ASH1L: variants seen among roughly 807,000 people sequenced by gnomAD.
ASH1L encodes the protein ASH1 like histone lysine methyltransferase, also known as histone-lysine N-methyltransferase ASH1L.
Under a neutral mutation model 269.0 loss-of-function variants are expected in ASH1L, and 23 were observed. That is an observed-to-expected ratio of 0.09 (90% confidence interval 0.06 to 0.12). The LOEUF (loss-of-function observed/expected upper bound fraction) is 0.12, where lower values mean the gene tolerates loss of function less well. Ranked by LOEUF, ASH1L falls within the 10% of genes least tolerant of loss-of-function variation. ASH1L has a pLI of 1.00. For missense variants in ASH1L, 2,912 were observed against 3,567.8 expected (o/e 0.82, Z 4.68); for synonymous variants, 1,187 against 1,253.5 (o/e 0.95, Z 1.12).
chr1:155,466,044 G>A (rs1440188734), intron 3 of ASH1L, among the ~76,000 whole-genome samples: 2 of 152,120 alleles, frequency 1.3e-5, no homozygotes, highest in African/African-American at 2.4e-5. Flanking sequence ...AGCCTGTTCT[G>A]GCGATTTTTA....
chr1:155,358,990 C>A (rs1654694576), intron 13 of ASH1L, among the ~76,000 whole-genome samples: 1 of 152,016 alleles, frequency 6.6e-6, no homozygotes, highest in African/African-American at 2.4e-5. Flanking sequence ...CACAGTGGTA[C>A]ACGCCTGCGG....
At chr1:155,359,440 C>T (rs1204839886) in intron 13 of ASH1L, among the ~76,000 whole-genome samples, 1 of 152,054 alleles carries the variant, frequency 6.6e-6, no homozygotes, top group Non-Finnish European at 1.5e-5. Flanking sequence ...CCATGCCCAG[C>T]TGATTTTTGT....
Position 155,358,404 on chromosome 1 carries a change from A to G in ASH1L, c.6796-655T>C, listed in dbSNP as rs1385898089. 2.0e-5 allele frequency among the ~76,000 whole-genome samples: 3 copies of G among 152,086 alleles called. No individual in the cohort carries two copies. The East Asian group carries it at 5.8e-4, about 29-fold the overall frequency. ...ACTTCTTTAAAAAAAAATTTTAAAA[A>G]GGCCAGGCATGGTGGCTCATGCCTG... On this transcript the variant is annotated intron_variant, in intron 13 of 27. Coordinates refer to ENST00000392403, the MANE Select transcript of ASH1L (RefSeq NM_018489.3).
intron 20 of ASH1L, 78 bp downstream of exon 20, chr1:155,347,578 A>G: frequency 6.4e-7 from 1 of 1,574,718 alleles, no homozygotes; most frequent in Non-Finnish European, 8.6e-7. Flanking sequence ...CCAATCCAAA[A>G]GAGGCATGGG....
chr1:155,548,476 T>C (rs1558215104), intron 1 of ASH1L, among the ~76,000 whole-genome samples: 1 of 152,158 alleles, frequency 6.6e-6, no homozygotes, highest in Non-Finnish European at 1.5e-5. Context: ...TGAACCTAGA[T>C]GGCACCATTG....
intron 1 of ASH1L, among the ~76,000 whole-genome samples, chr1:155,535,250 G>C (rs61812099): frequency 7.3e-6 from 1 of 136,230 alleles, no homozygotes; most frequent in Admixed American, 7.4e-5. Context: ...TTTTTTTTAA[G>C]ACTGGGTTTT....
intron 2 of ASH1L, among the ~76,000 whole-genome samples, chr1:155,510,423 A>C (rs1668095416): frequency 6.6e-6 from 1 of 151,108 alleles, no homozygotes; most frequent in South Asian, 2.1e-4. Context: ...AAAAAAAAAA[A>C]AAAAAAAAAA....
intron 6 of ASH1L, among the ~76,000 whole-genome samples, chr1:155,414,315 T>A (rs1660035164): frequency 6.6e-6 from 1 of 151,786 alleles, no homozygotes; most frequent in South Asian, 2.1e-4. Flanking sequence ...TTAAAAAAAT[T>A]TCTTTTTTTT....
At position 155,533,035 on chromosome 1, in the gene ASH1L, T is replaced by C. The variant is rs190429036; in HGVS notation, c.-99-11417A>G. Reference sequence around the variant, plus strand: ...TCTGGTCTGAGATACAGAACTACTCTGGAAGACAACTATGTTTGGAAATCA... The same window carrying C: ...TCTGGTCTGAGATACAGAACTACTCCGGAAGACAACTATGTTTGGAAATCA... On this transcript the variant is annotated intron_variant, in intron 1 of 27. Transcript: ENST00000392403. Among the ~76,000 whole-genome samples, 99 of 151,590 alleles carry C rather than the reference T, an allele frequency of 6.5e-4. 1 individual carries two copies. The highest frequency in any genetic ancestry group is 6.8e-3 in the Middle Eastern group (2 of 294).
At chr1:155,350,334 C>A (rs1355289954) in intron 17 of ASH1L, among the ~76,000 whole-genome samples, 1 of 152,108 alleles carries the variant, frequency 6.6e-6, no homozygotes, top group East Asian at 1.9e-4. Flanking sequence ...AAATCCAAGT[C>A]TTTTTAAGGC....
At chr1:155,380,154 T>C in intron 7 of ASH1L, 38 bp from the exon 8 acceptor site, 5 of 1,494,790 alleles carry the variant, frequency 3.3e-6, no homozygotes, top group Non-Finnish European at 4.7e-6. Context: ...ATACCTTTTC[T>C]AATATTTGCT....
intron 1 of ASH1L, among the ~76,000 whole-genome samples, chr1:155,556,506 G>A (rs1014683375): frequency 4.6e-5 from 7 of 151,792 alleles, no homozygotes; most frequent in Non-Finnish European, 8.8e-5. Flanking sequence ...GTGCAGTGGC[G>A]TGATCTCAGC....
intron 5 of ASH1L, among the ~76,000 whole-genome samples, chr1:155,429,984 T>G (rs1661481116): frequency 6.6e-6 from 1 of 151,902 alleles, no homozygotes; most frequent in African/African-American, 2.4e-5. Context: ...TTTTAAGTTT[T>G]TTTTTTTTTG....
chr1:155,365,670 G>C (rs1391585119), intron 12 of ASH1L, among the ~76,000 whole-genome samples: 3 of 152,096 alleles, frequency 2.0e-5, no homozygotes, highest in African/African-American at 4.8e-5. Context: ...GATTGGAATG[G>C]AGTGCTTTCT....
At chr1:155,409,063 C>T (rs761965361) in intron 6 of ASH1L, among the ~76,000 whole-genome samples, 1 of 151,880 alleles carries the variant, frequency 6.6e-6, no homozygotes, top group African/African-American at 2.4e-5. Context: ...CTTGCTCTGT[C>T]GCCCAGGCTG....
chr1:155,467,145 A>T (rs1664754715), intron 3 of ASH1L, among the ~76,000 whole-genome samples: 1 of 152,144 alleles, frequency 6.6e-6, no homozygotes, highest in Non-Finnish European at 1.5e-5. Flanking sequence ...CTGCTCTGCC[A>T]ATTTTAGAAT....
At position 155,481,710 on chromosome 1, in the gene ASH1L, C is replaced by G. The variant is rs2148731467; in HGVS notation, c.1160G>C (p.Cys387Ser). 6.2e-7 allele frequency: 1 copy of G among 1,614,196 alleles called. No homozygotes were observed. The highest frequency in any genetic ancestry group is 2.2e-5 in the East Asian group (1 of 44,886). Reference sequence around the variant, plus strand: ...TGAACTTGCTACAATCTTCTTTGCACAGTCCTTGGCCACTAGGCCAACAGT... The same window carrying G: ...TGAACTTGCTACAATCTTCTTTGCAGAGTCCTTGGCCACTAGGCCAACAGT... The part of the protein sequence containing the change: ...GSTVGLVAKD[C>S]AKKIVASSAM... The change falls in exon 3 of 28, where the codon TGT (cysteine) becomes TCT (serine). Residue 387 changes from cysteine to serine, a missense_variant. Physicochemically the swap from Cys to Ser is moderately radical, Grantham distance 112 (BLOSUM62 -1). Coordinates refer to ENST00000392403, the MANE Select transcript of ASH1L (RefSeq NM_018489.3).
In ASH1L at chr1:155,516,911, G is replaced by A. The variant is rs1668536935; in HGVS notation, c.420+4189C>T. 5.3e-5 allele frequency among the ~76,000 whole-genome samples: 8 copies of A among 152,182 alleles called. No individual in the cohort carries two copies. In the South Asian group the frequency reaches 1.7e-3, roughly 32 times the overall value. On this transcript the variant is annotated intron_variant, in intron 2 of 27. Transcript: ENST00000392403. ...ATAAATTTAAGGAGGTGAAAGGCTT[G>A]AACACCACAAATTTTATAAAATATT...
At chr1:155,422,864 G>A (rs554384494) in intron 5 of ASH1L, among the ~76,000 whole-genome samples, 2 of 151,740 alleles carry the variant, frequency 1.3e-5, no homozygotes, top group Admixed American at 1.3e-4. Flanking sequence ...TGACCAGGCT[G>A]GTCTTGAACT....
Sources: allele counts gnomAD v4.1 joint callset (sites outside exome capture counted in the v4.1 genomes callset), GRCh38; gene constraint gnomAD v4.1.1; transcripts MANE v1.5; gene names NCBI Gene and HGNC (gene_info 2026-07-23, HGNC 2026-07-21).